GLRA3: variants seen among roughly 807,000 people sequenced by gnomAD.
GLRA3 encodes glycine receptor subunit alpha-3.
GLRA3 carries 44 observed loss-of-function variants against 60.4 expected under a neutral mutation model. The ratio of observed to expected loss-of-function variants is 0.73; its 90% CI spans 0.57 to 0.94. The LOEUF is 0.94. GLRA3 is among the 40% of genes least tolerant of loss of function. The pLI, the probability that GLRA3 is intolerant of heterozygous loss-of-function variation, is 0.00. For missense variants in GLRA3, 508 were observed against 564.6 expected, an observed-to-expected ratio of 0.90 and a Z score of 1.02; for synonymous variants, 223 against 192.9, an observed-to-expected ratio of 1.16 and a Z score of -1.29.
chr4:174,746,433 G>A (rs1737249826), intron 3 of GLRA3, among the ~76,000 whole-genome samples: 1 of 152,110 alleles, frequency 6.6e-6, no homozygotes, highest in Admixed American at 6.5e-5. Flanking sequence ...ATATGTGGGA[G>A]CTAAAAAAAC....
intron 6 of GLRA3, among the ~76,000 whole-genome samples, chr4:174,680,515 G>A (rs1258861439): frequency 1.3e-5 from 2 of 152,192 alleles, no homozygotes; most frequent in Admixed American, 6.5e-5. Context: ...GAAAGTGGGA[G>A]TATTAGGCTT....
intron 1 of GLRA3, among the ~76,000 whole-genome samples, chr4:174,825,042 A>C (rs1485431682): frequency 2.0e-5 from 3 of 152,112 alleles, no homozygotes; most frequent in Non-Finnish European, 4.4e-5. Context: ...ATATTTTTCA[A>C]GATGTTCTTT....
intron 1 of GLRA3, among the ~76,000 whole-genome samples, chr4:174,808,380 A>G (rs941435687): frequency 9.9e-5 from 15 of 152,048 alleles, no homozygotes; most frequent in Non-Finnish European, 2.1e-4. Context: ...AGGGCAATAG[A>G]TTACTCATGT....
chr4:174,659,577 C>T (rs1303001902), intron 7 of GLRA3, among the ~76,000 whole-genome samples: 1 of 151,806 alleles, frequency 6.6e-6, no homozygotes, highest in African/African-American at 2.4e-5. Context: ...TTTATTAATT[C>T]TGTTAAGATA....
At chr4:174,817,770 C>A (rs1047778857) in intron 1 of GLRA3, among the ~76,000 whole-genome samples, 3 of 152,002 alleles carry the variant, frequency 2.0e-5, no homozygotes, top group East Asian at 1.9e-4. Flanking sequence ...CAACACCCAG[C>A]TAATTTTTGT....
chr4:174,732,146 A>G (rs1193307599), intron 3 of GLRA3, among the ~76,000 whole-genome samples: 1 of 152,138 alleles, frequency 6.6e-6, no homozygotes, highest in Non-Finnish European at 1.5e-5. Context: ...CACGAGGTCA[A>G]GAGACAGAGA....
intron 1 of GLRA3, among the ~76,000 whole-genome samples, chr4:174,819,729 A>C (rs1474238404): frequency 6.6e-6 from 1 of 152,250 alleles, no homozygotes; most frequent in African/African-American, 2.4e-5. Context: ...GTATGTAAAC[A>C]AAGAGACAAA....
At chr4:174,810,702 A>G (rs1740228784) in intron 1 of GLRA3, among the ~76,000 whole-genome samples, 1 of 152,106 alleles carries the variant, frequency 6.6e-6, no homozygotes, top group South Asian at 2.1e-4. Flanking sequence ...TTTTAATTAA[A>G]TGGCTATAAT....
chr4:174,812,545 G>A (rs2111373262), intron 1 of GLRA3, among the ~76,000 whole-genome samples: 1 of 151,902 alleles, frequency 6.6e-6, no homozygotes, highest in East Asian at 1.9e-4. Flanking sequence ...GAACAAAGGA[G>A]AAAATTAAAC....
chr4:174,778,342 CTTTT>C (rs1012707870), intron 2 of GLRA3, among the ~76,000 whole-genome samples: 2 of 151,098 alleles, frequency 1.3e-5, no homozygotes, highest in Non-Finnish European at 3.0e-5. Flanking sequence ...CTTTTCTTTT[CTTTT>C]TTTTTCTTTT....
At chr4:174,770,076 AT>A (rs1461989860) in intron 2 of GLRA3, among the ~76,000 whole-genome samples, 1 of 152,100 alleles carries the variant, frequency 6.6e-6, no homozygotes, top group African/African-American at 2.4e-5. Flanking sequence ...ATTTACATTT[AT>A]TTGATTACTG....
chr4:174,793,676 G>A lies in GLRA3; in HGVS notation c.72-4733C>T, dbSNP rs1401447383. 2.0e-5 allele frequency among the ~76,000 whole-genome samples: 3 copies of A among 152,024 alleles called. No homozygotes were observed. The East Asian group carries it at 5.8e-4, about 29-fold the overall frequency. On this transcript the variant is annotated intron_variant, in intron 1 of 9. Transcript: ENST00000274093. ...CAAAGCACTGGAATTAGAGGCATGA[G>A]CCACTGCACCTGGCCACGATTTGCT...
At chr4:174,780,235 A>G (rs1294557067) in intron 2 of GLRA3, among the ~76,000 whole-genome samples, 1 of 144,498 alleles carries the variant, frequency 6.9e-6, no homozygotes, top group African/African-American at 2.6e-5. Context: ...TGAAGGAGAA[A>G]TAAAATACTT....
intron 2 of GLRA3, 93 bp from the exon 3 acceptor site, chr4:174,767,123 TACACACAC>T (rs10551381): frequency 4.3e-4 from 201 of 471,368 alleles, no homozygotes; most frequent in Middle Eastern, 1.0e-3. Context: ...TATTCCATTT[TACACACAC>T]ACACACACAC....
At chr4:174,744,761 G>A (rs1171769106) in intron 3 of GLRA3, among the ~76,000 whole-genome samples, 1 of 152,010 alleles carries the variant, frequency 6.6e-6, no homozygotes, top group African/African-American at 2.4e-5. Flanking sequence ...GAAATATGAC[G>A]CCTTCAAGGG....
intron 9 of GLRA3, among the ~76,000 whole-genome samples, chr4:174,648,330 G>A (rs970376316): frequency 6.6e-6 from 1 of 152,112 alleles, no homozygotes; most frequent in Admixed American, 6.5e-5. Flanking sequence ...CAGGCGTGGT[G>A]GTACATGCCT....
intron 1 of GLRA3, among the ~76,000 whole-genome samples, chr4:174,822,345 G>A (rs1160253765): frequency 6.6e-6 from 1 of 152,160 alleles, no homozygotes; most frequent in Admixed American, 6.5e-5. Flanking sequence ...TCAAATATAG[G>A]CCCAATTTTT....
intron 3 of GLRA3, among the ~76,000 whole-genome samples, chr4:174,737,512 G>C (rs554471015): frequency 7.6e-6 from 1 of 132,370 alleles, no homozygotes; most frequent in Admixed American, 8.1e-5. Context: ...TTTTTTTGTG[G>C]TTTTTTGTTG....
At chr4:174,784,437 T>C (rs1739034285) in intron 2 of GLRA3, among the ~76,000 whole-genome samples, 2 of 146,334 alleles carry the variant, frequency 1.4e-5, no homozygotes, top group African/African-American at 5.1e-5. Flanking sequence ...CTGCACAATG[T>C]GCACATGTAC....
Sources: allele counts gnomAD v4.1 joint callset (sites outside exome capture counted in the v4.1 genomes callset), GRCh38; gene constraint gnomAD v4.1.1; transcripts MANE v1.5; gene names NCBI Gene and HGNC (gene_info 2026-07-23, HGNC 2026-07-21).